COLEC10: variants seen among roughly 807,000 people sequenced by gnomAD.
The protein encoded by COLEC10 is collectin subfamily member 10.
In COLEC10, 22 loss-of-function variants were observed where a neutral mutation model predicts 28.4. That is an observed-to-expected ratio of 0.78 (90% CI 0.55 to 1.11). The LOEUF is 1.11. Ranked by LOEUF, COLEC10 falls within the 50% of genes least tolerant of loss-of-function variation. The pLI is 0.00. For synonymous variants in COLEC10, 125 were observed against 116.1 expected, an observed-to-expected ratio of 1.08 and a Z score of -0.49; for missense variants, 361 against 344.1, an observed-to-expected ratio of 1.05 and a Z score of -0.39.
chr8:118,962,445 A>C, the COLEC10 span, among the ~76,000 whole-genome samples: 1 of 152,340 alleles, frequency 6.6e-6, no homozygotes, highest in South Asian at 2.1e-4. Flanking sequence ...TTACAGCTTT[A>C]TTGAGGTATA....
chr8:119,057,551 A>G (rs1385093061), intron 2 of COLEC10, among the ~76,000 whole-genome samples: 1 of 152,062 alleles, frequency 6.6e-6, no homozygotes, highest in Non-Finnish European at 1.5e-5. Context: ...GACAACTACT[A>G]TTGTACTTCT....
intron 2 of COLEC10, among the ~76,000 whole-genome samples, chr8:119,017,081 G>A (rs1391262315): frequency 1.3e-5 from 2 of 152,060 alleles, no homozygotes; most frequent in African/African-American, 2.4e-5. Context: ...GTTTTGATTT[G>A]CACTTCTCTA....
At chr8:119,001,736 T>G (rs1813705448) in intron 1 of COLEC10, among the ~76,000 whole-genome samples, 1 of 151,856 alleles carries the variant, frequency 6.6e-6, no homozygotes, top group African/African-American at 2.4e-5. Context: ...AAACCCCCAG[T>G]AATTCTAAAA....
chr8:119,032,579 TG>T (rs1814308684), intron 2 of COLEC10, among the ~76,000 whole-genome samples: 1 of 152,184 alleles, frequency 6.6e-6, no homozygotes, highest in Non-Finnish European at 1.5e-5. Context: ...ACCATCTCTG[TG>T]GAGAAGGAAG....
At chr8:119,018,871 C>T (rs1168203181) in intron 2 of COLEC10, among the ~76,000 whole-genome samples, 1 of 152,148 alleles carries the variant, frequency 6.6e-6, no homozygotes, top group Non-Finnish European at 1.5e-5. Context: ...TGGGCATACA[C>T]ATCCCCCCAG....
intron 1 of COLEC10, among the ~76,000 whole-genome samples, chr8:119,086,247 A>G (rs1272277691): frequency 3.9e-5 from 6 of 152,186 alleles, no homozygotes; most frequent in African/African-American, 1.4e-4. Flanking sequence ...GTAAAATTGA[A>G]ATTAGCTTAT....
intron 2 of COLEC10, among the ~76,000 whole-genome samples, chr8:119,055,042 G>A (rs1043210161): frequency 5.9e-5 from 9 of 151,994 alleles, no homozygotes; most frequent in Admixed American, 1.3e-4. Flanking sequence ...CATTAAAAAA[G>A]AAACAGATTA....
chr8:118,982,664 G>A, the COLEC10 span: 2 of 179,444 alleles, frequency 1.1e-5, no homozygotes, highest in Admixed American at 5.4e-5. Flanking sequence ...CTTTTCAGAA[G>A]GAAGCTGAAT....
At chr8:118,988,512 T>G in the COLEC10 span, among the ~76,000 whole-genome samples, 1 of 151,970 alleles carries the variant, frequency 6.6e-6, no homozygotes, top group African/African-American at 2.4e-5. Flanking sequence ...GGAAATAGAC[T>G]GGGAATGAGG....
rs1202186417 is a variant in COLEC10, at chr8:119,008,950, C to A, written n.123-491C>A. 2.0e-5 allele frequency among the ~76,000 whole-genome samples: 3 copies of A among 150,830 alleles called. 1 individual carries two copies. Among genetic ancestry groups the A allele is most frequent in the African/African-American group, 5.0e-5 (2 of 40,350 alleles). ...CAATTCCTTCTTTCTTCCTTTTTTT[C>A]CTGAGCATTATTATTAGCAAATTCA... On this transcript the variant is annotated intron_variant and non_coding_transcript_variant, in intron 1 of 6. Coordinates refer to the COLEC10 transcript ENST00000521788.
At chr8:119,027,717 A>C (rs1447355550) in intron 2 of COLEC10, among the ~76,000 whole-genome samples, 1 of 152,164 alleles carries the variant, frequency 6.6e-6, no homozygotes, top group African/African-American at 2.4e-5. Flanking sequence ...GCACAGTTAA[A>C]ATATCTTCTT....
intron 2 of COLEC10, among the ~76,000 whole-genome samples, chr8:119,009,931 C>T (rs1813875027): frequency 6.6e-6 from 1 of 150,784 alleles, no homozygotes; most frequent in African/African-American, 2.5e-5. Context: ...TCCTGTCGAA[C>T]TTCTGCCCCC....
At chr8:118,992,314 A>G (rs1813516991), upstream of COLEC10, among the ~76,000 whole-genome samples, 2 of 152,110 alleles carry the variant, frequency 1.3e-5, no homozygotes, top group African/African-American at 2.4e-5. Context: ...TCCTCTCTTC[A>G]ATGGAAAAGC....
At chr8:119,096,530 G>A (rs536659731) in intron 3 of COLEC10, among the ~76,000 whole-genome samples, 1 of 152,186 alleles carries the variant, frequency 6.6e-6, no homozygotes, top group Non-Finnish European at 1.5e-5. Flanking sequence ...GGCGGAGATT[G>A]CAGTGAGCAA....
At chr8:118,999,426 A>C (rs1427040778) in intron 1 of COLEC10, among the ~76,000 whole-genome samples, 2 of 152,058 alleles carry the variant, frequency 1.3e-5, no homozygotes, top group Non-Finnish European at 2.9e-5. Context: ...CCCCATCTCT[A>C]CTGAAAATAC....
intron 3 of COLEC10, among the ~76,000 whole-genome samples, chr8:119,099,907 A>G (rs1815790131): frequency 6.6e-6 from 1 of 152,110 alleles, no homozygotes; most frequent in South Asian, 2.1e-4. Flanking sequence ...CATTTTCCCA[A>G]GGCACTTGAT....
intron 3 of COLEC10, among the ~76,000 whole-genome samples, chr8:119,092,903 C>T (rs745318695): frequency 2.4e-4 from 37 of 151,476 alleles, no homozygotes; most frequent in Non-Finnish European, 1.6e-4. Context: ...GAGATTCCAT[C>T]TCAAAGAAAA....
chr8:119,022,791 G>C (rs1463861396), intron 2 of COLEC10, among the ~76,000 whole-genome samples: 1 of 152,056 alleles, frequency 6.6e-6, no homozygotes, highest in Non-Finnish European at 1.5e-5. Flanking sequence ...AGCCAGATCA[G>C]GTTCTTCTGT....
intron 2 of COLEC10, among the ~76,000 whole-genome samples, chr8:119,090,261 G>A (rs1815562952): frequency 6.6e-6 from 1 of 152,178 alleles, no homozygotes; most frequent in Admixed American, 6.5e-5. Flanking sequence ...GGTACGGGAG[G>A]AGTGGAATCA....
Sources: gnomAD v4.1 joint callset for allele counts (sites outside exome capture counted in the v4.1 genomes callset) on GRCh38, gnomAD v4.1.1 for gene constraint, MANE v1.5 for transcripts, NCBI Gene and HGNC (gene_info 2026-07-23, HGNC 2026-07-21) for gene names.